CHDH: variants seen among roughly 807,000 people sequenced by gnomAD.
The protein encoded by CHDH is choline dehydrogenase.
In CHDH, 43 loss-of-function variants were observed where a neutral mutation model predicts 56.9. The ratio of observed to expected loss-of-function variants is 0.76; its 90% CI spans 0.59 to 0.97. CHDH has a LOEUF of 0.97. CHDH is among the 50% of genes least tolerant of loss of function. The pLI, the probability that CHDH is intolerant of heterozygous loss-of-function variation, is 0.00. For missense variants in CHDH, 816 were observed against 821.1 expected (o/e 0.99, Z 0.08); for synonymous variants, 364 against 348.5 (o/e 1.04, Z -0.50).
Position 53,812,504 on chromosome 3 carries a change from G to T in CHDH, c.*5273C>A, listed in dbSNP as rs377619326. 2.0e-5 allele frequency: 3 copies of T among 152,200 alleles called. No individual in the cohort carries two copies. The highest frequency in any genetic ancestry group is 7.2e-5 in the African/African-American group (3 of 41,446). The allele number at this position is 152,200 out of a possible 1,614,324, so 9.4% of individuals were successfully genotyped here. ...TTTGCAGTCTTTTCTTTGGGCAAGA[G>T]TTCCATGATTTTGATACTGTACCTT... On this transcript the variant is annotated 3_prime_UTR_variant, in exon 9 of 9. Coordinates refer to ENST00000315251, the MANE Select transcript of CHDH (RefSeq NM_018397.5).
At position 53,819,078 on chromosome 3, in the gene CHDH, T is replaced by C. The variant is rs766849911; in HGVS notation, c.1264-38A>G. 3 of 1,411,392 alleles carry C rather than the reference T, an allele frequency of 2.1e-6. No homozygotes were observed. Among genetic ancestry groups the C allele is most frequent in the South Asian group, 1.2e-5 (1 of 83,784 alleles). 87.4% of individuals were successfully genotyped at this position (1,411,392 alleles called of 1,614,324 possible). On this transcript the variant is annotated intron_variant, in intron 7 of 8. Coordinates refer to ENST00000315251, the MANE Select transcript of CHDH (RefSeq NM_018397.5). The surrounding 1 kb of genome is among the most constrained non-coding windows in gnomAD (Gnocchi z 5.4). ...AGAGGAAGCAGTGACGGTCCCTCCA[T>C]AGACATCCACAGTGACCTCTGTCAA...
intron 1 of CHDH, among the ~76,000 whole-genome samples, chr3:53,841,244 C>G (rs1240054754): frequency 6.6e-6 from 1 of 152,114 alleles, no homozygotes. Context: ...CTGTTATGGA[C>G]CAGACATGGA....
chr3:53,813,127 TAA>T lies in CHDH; in HGVS notation c.*4648_*4649del, dbSNP rs1180400208. On this transcript the variant is annotated 3_prime_UTR_variant, in exon 9 of 9. Transcript: ENST00000315251. ...TTTTAATAGTATACAGACAACCTGTTAATTTTTTTTTTTTTTTTTTTTTTTGT... is the reference window on the plus strand; with the variant it reads ...TTTTAATAGTATACAGACAACCTGTTTTTTTTTTTTTTTTTTTTTTTTTGT... 1 of 101,956 alleles carries T rather than the reference TAA, an allele frequency of 9.8e-6. No individual in the cohort carries two copies. The highest frequency in any genetic ancestry group is 1.8e-5 in the Non-Finnish European group (1 of 54,710). The allele number at this position is 101,956 out of a possible 1,614,324, so 6.3% of individuals were successfully genotyped here. A position where few individuals can be genotyped will look rare whatever the true frequency, so the allele number is the denominator to read the frequency against.
chr3:53,828,562 T>C lies in CHDH; in HGVS notation c.-59-4495A>G, dbSNP rs74583921. 3.2e-3 allele frequency among the ~76,000 whole-genome samples: 494 copies of C among 152,256 alleles called. 3 individuals carry two copies. The highest frequency in any genetic ancestry group is 0.011 in the African/African-American group (468 of 41,540). On this transcript the variant is annotated intron_variant, in intron 2 of 8. Transcript: ENST00000315251. ...TATATTCTTAAAACTCAATAACAGA[T>C]AACCCGATTAAAGAATGGCCCAAAG...
intron 2 of CHDH, among the ~76,000 whole-genome samples, chr3:53,838,140 CA>C (rs1698561759): frequency 6.6e-6 from 1 of 151,726 alleles, no homozygotes; most frequent in Non-Finnish European, 1.5e-5. Flanking sequence ...GTGGGGGGCC[CA>C]GGCCGCTCAA....
At chr3:53,842,575 A>C (rs768056988) in intron 1 of CHDH, among the ~76,000 whole-genome samples, 1 of 152,200 alleles carries the variant, frequency 6.6e-6, no homozygotes, top group Non-Finnish European at 1.5e-5. Flanking sequence ...AGGCACAGGG[A>C]CCACAGCCAT....
intron 2 of CHDH, among the ~76,000 whole-genome samples, chr3:53,839,787 A>G (rs35518479): frequency 0.37 from 56,426 of 152,138 alleles, 10,691 homozygotes; most frequent in Admixed American, 0.46. Flanking sequence ...ACTATTCCCA[A>G]TAGCCAAGAC....
intron 2 of CHDH, among the ~76,000 whole-genome samples, chr3:53,831,125 C>A (rs1231085226): frequency 6.6e-6 from 1 of 152,218 alleles, no homozygotes; most frequent in Non-Finnish European, 1.5e-5. Context: ...CTGGTGGTAT[C>A]CTGGCAGTCC....
chr3:53,845,189 A>T (rs1698821617), intron 1 of CHDH, among the ~76,000 whole-genome samples: 1 of 150,870 alleles, frequency 6.6e-6, no homozygotes, highest in South Asian at 2.1e-4. Flanking sequence ...CAGGAAACAG[A>T]GCAATTCTCT....
chr3:53,843,185 CA>C (rs149540803), intron 1 of CHDH, among the ~76,000 whole-genome samples: 8,946 of 41,172 alleles, frequency 0.22, 579 homozygotes, highest in African/African-American at 0.32. Flanking sequence ...TTTCCCCCCC[CA>C]CCTTTTTTTT....
Position 53,819,447 on chromosome 3 carries a change from G to C in CHDH, c.1263+85C>G. The C allele has an allele frequency of 6.6e-7, 1 of 1,507,652 alleles. No homozygotes were observed. Among genetic ancestry groups the C allele is most frequent in the Non-Finnish European group, 9.0e-7 (1 of 1,116,546 alleles). The allele number at this position is 1,507,652 out of a possible 1,614,324, so 93.4% of individuals were successfully genotyped here. A position where few individuals can be genotyped will look rare whatever the true frequency, so the allele number is the denominator to read the frequency against. On this transcript the variant is annotated intron_variant, in intron 7 of 8. Transcript: ENST00000315251. This position sits in a 1 kb window ranked among gnomAD's most constrained non-coding sequence, Gnocchi z 5.4. ...CTCTGCAGCCATATGGCACCAGGGA[G>C]AATGCTGCCTTGGAAGATGGGAGCA...
In CHDH at chr3:53,818,969, G is replaced by A; in HGVS notation, c.1335C>T (p.His445=). ...ACAAGTAGTTGGGCTGGATCACAGG[G>A]TGGTCTTGGGGATTGGCACTTCTCA... ...LKLRSANPQD[H]PVIQPNYLST... Residue 445 remains histidine (H), a synonymous_variant, in exon 8 of 9, where the codon CAC becomes CAT. Transcript: ENST00000315251. The A allele has an allele frequency of 6.2e-7, 1 of 1,613,730 alleles. No homozygotes were observed. The highest frequency in any genetic ancestry group is 8.5e-7 in the Non-Finnish European group (1 of 1,179,602).
Position 53,817,871 on chromosome 3 carries a change from G to A in CHDH, c.1691C>T (p.Ala564Val). ...CTTGATAATGTCAGCTGCCTTCTCT[G>A]CGATCATGATTGTGGGGGCGTTCAG... ...GNLNAPTIMI[A>V]EKAADIIKGQ... Residue 564 changes from alanine to valine, a missense_variant, in exon 9 of 9, where the codon GCA becomes GTA. Transcript: ENST00000315251. The A allele has an allele frequency of 6.2e-7, 1 of 1,614,230 alleles. No individual in the cohort carries two copies. Among genetic ancestry groups the A allele is most frequent in the Non-Finnish European group, 8.5e-7 (1 of 1,180,046 alleles).
chr3:53,831,261 A>G (rs1698323568), intron 2 of CHDH, among the ~76,000 whole-genome samples: 1 of 152,262 alleles, frequency 6.6e-6, no homozygotes, highest in African/African-American at 2.4e-5. Context: ...AACACGAGGT[A>G]GCTTTCTAAT....
chr3:53,825,373 A>AAAAG (rs2095637130), intron 2 of CHDH, among the ~76,000 whole-genome samples: 1 of 152,220 alleles, frequency 6.6e-6, no homozygotes, highest in Non-Finnish European at 1.5e-5. Context: ...TGAGCATTAT[A>AAAAG]AAAGATATAG....
At position 53,813,201 on chromosome 3, in the gene CHDH, TAAGACATTC is replaced by T. The variant is rs2095608472; in HGVS notation, c.*4567_*4575del. ...TATGAAGACCTTACAAACCTCTTCT[TAAGACATTC>T]TTACTCTGATCCAGGCAAAAACACT... On this transcript the variant is annotated 3_prime_UTR_variant, in exon 9 of 9. Coordinates refer to ENST00000315251, the MANE Select transcript of CHDH (RefSeq NM_018397.5). The T allele has an allele frequency of 3.3e-5, 5 of 151,124 alleles. No homozygotes were observed. 9.4% of individuals were successfully genotyped at this position (151,124 alleles called of 1,614,324 possible).
At position 53,836,343 on chromosome 3, in the gene CHDH, C is replaced by T. The variant is rs116664868; in HGVS notation, c.-60+4586G>A. On this transcript the variant is annotated intron_variant, in intron 2 of 8. Coordinates refer to ENST00000315251, the MANE Select transcript of CHDH (RefSeq NM_018397.5). ...TCCTAAGCCCGACCAGGCCAGGCCC[C>T]GGCCTCTGTAGCCATCATCCCACTG... Among the ~76,000 whole-genome samples the T allele has an allele frequency of 6.9e-3, 1,051 of 152,346 alleles. 15 individuals are homozygous for T. The highest frequency in any genetic ancestry group is 0.025 in the African/African-American group (1,023 of 41,572).
rs62250940 is a variant in CHDH at position 53,843,734 on chromosome 3, C to A, written c.-131+2349G>T. ...CTGGTAGCTCTTTCAGAAACCCAGA[C>A]CTAGCAGAATTTATGACTGAAGGGA... On this transcript the variant is annotated intron_variant, in intron 1 of 8. Coordinates refer to ENST00000315251, the MANE Select transcript of CHDH (RefSeq NM_018397.5). Among the ~76,000 whole-genome samples, 539 of 152,228 alleles carry A rather than the reference C, an allele frequency of 3.5e-3. 2 individuals carry two copies. The highest frequency in any genetic ancestry group is 0.017 in the Middle Eastern group (5 of 294).
rs958882017 is a variant in CHDH, at chr3:53,846,351, C to T, written c.-399G>A. The T allele has an allele frequency of 4.4e-6, 2 of 455,614 alleles. No individual in the cohort carries two copies. Among genetic ancestry groups the T allele is most frequent in the African/African-American group, 2.1e-5 (1 of 48,222 alleles). The allele number at this position is 455,614 out of a possible 1,614,324, so 28.2% of individuals were successfully genotyped here. On this transcript the variant is annotated 5_prime_UTR_variant, in exon 1 of 9. Coordinates refer to ENST00000315251, the MANE Select transcript of CHDH (RefSeq NM_018397.5). ...ATGCACGTGTGCGCGGGGGTAGGCG[C>T]GCGCCGCGGCGGCCCGTGCTCCGCC...
Sources: gnomAD v4.1 joint callset for allele counts (sites outside exome capture counted in the v4.1 genomes callset) on GRCh38, gnomAD v4.1.1 for gene constraint, Gnocchi (gnomAD v3.1) non-coding constraint, MANE v1.5 for transcripts, NCBI Gene and HGNC (gene_info 2026-07-23, HGNC 2026-07-21) for gene names.